ABTB2: variants seen among roughly 807,000 people sequenced by gnomAD.
ABTB2 encodes the protein ankyrin repeat and BTB domain containing 2, also known as ankyrin repeat and BTB/POZ domain-containing protein 2.
ABTB2 carries 56 observed loss-of-function variants against 104.1 expected under a neutral mutation model. The ratio of observed to expected loss-of-function variants is 0.54; its 90% CI spans 0.43 to 0.67. The LOEUF is 0.67. Ranked by LOEUF, ABTB2 falls within the 30% of genes least tolerant of loss-of-function variation. The pLI is 0.00. For synonymous variants in ABTB2, 606 were observed against 608.2 expected (o/e 1.00, Z 0.05); for missense variants, 1,279 against 1,407.7 (o/e 0.91, Z 1.46).
intron 1 of ABTB2, chr11:34,335,486 T>G (rs1855183126): frequency 1.2e-6 from 1 of 858,396 alleles, no homozygotes; most frequent in Admixed American, 1.9e-5. Flanking sequence ...TCAGAATGAT[T>G]AATTTGCTAT....
At chr11:34,152,699 C>T in intron 16 of ABTB2, 115 bp from the exon 17 acceptor site, 1 of 1,041,008 alleles carries the variant, frequency 9.6e-7, no homozygotes, top group Non-Finnish European at 1.4e-6. Context: ...CCACTCTGGC[C>T]AGGGTAGGCG....
chr11:34,284,900 C>T (rs985120292), intron 1 of ABTB2, among the ~76,000 whole-genome samples: 2 of 152,176 alleles, frequency 1.3e-5, no homozygotes, highest in African/African-American at 4.8e-5. Flanking sequence ...AGGCAGACCC[C>T]ATTTTTCATC....
intron 1 of ABTB2, among the ~76,000 whole-genome samples, chr11:34,229,185 C>T (rs1028354190): frequency 1.3e-5 from 2 of 148,568 alleles, no homozygotes; most frequent in Non-Finnish European, 3.0e-5. Context: ...GATTCTTTAA[C>T]AGAATTATTT....
At chr11:34,162,922 G>A (rs1399686988) in intron 9 of ABTB2, 117 bp from the exon 10 acceptor site, 18 of 946,400 alleles carry the variant, frequency 1.9e-5, no homozygotes, top group Middle Eastern at 3.1e-4. Context: ...CCGAGGGCTC[G>A]GAGTTTCATG....
rs1554923796 is a variant in ABTB2, at chr11:34,297,796, G to GAAAAAAAAAAAAAAAAAACAAAT, written c.883+58904_883+58905insATTTGTTTTTTTTTTTTTTTTTT. Among the ~76,000 whole-genome samples the GAAAAAAAAAAAAAAAAAACAAAT allele has an allele frequency of 1.2e-4, 15 of 123,072 alleles. 1 individual carries two copies. Among genetic ancestry groups the GAAAAAAAAAAAAAAAAAACAAAT allele is most frequent in the African/African-American group, 3.5e-4 (11 of 31,140 alleles). The allele number at this position is 123,072 out of a possible 152,430, so 80.7% of individuals were successfully genotyped here. A position where few individuals can be genotyped will look rare whatever the true frequency, so the allele number is the denominator to read the frequency against. ...AAAAAAAAAAAAAATAAAAATAAAG[G>GAAAAAAAAAAAAAAAAAACAAAT]AAAGAAAAAGAAAAAAACAAAATTC... On this transcript the variant is annotated intron_variant, in intron 1 of 16. Coordinates refer to ENST00000435224, the MANE Select transcript of ABTB2 (RefSeq NM_145804.3).
rs1002810181 is a variant in ABTB2, at chr11:34,335,728, C to T, written c.883+20973G>A. The stretch of plus-strand genomic sequence containing the variant: ...ATCAGGCAAAGTTTTATAAAGCAGG[C>T]TTTTCTTCTGTGAAGCAGTCCCATT... On this transcript the variant is annotated intron_variant, in intron 1 of 16. Transcript: ENST00000435224. 17 of 1,399,904 alleles carry T rather than the reference C, an allele frequency of 1.2e-5. No individual in the cohort carries two copies. The African/African-American group carries it at 2.3e-4, about 19-fold the overall frequency. 86.7% of individuals were successfully genotyped at this position (1,399,904 alleles called of 1,614,324 possible). A position where few individuals can be genotyped will look rare whatever the true frequency, so the allele number is the denominator to read the frequency against.
chr11:34,192,573 C>A (rs1883961), intron 3 of ABTB2, among the ~76,000 whole-genome samples: 39,475 of 152,140 alleles, frequency 0.26, 5,921 homozygotes, highest in East Asian at 0.47. Flanking sequence ...AGGCTCCAAG[C>A]CTTCTGAGTG....
chr11:34,251,172 A>G (rs936355019), intron 1 of ABTB2, among the ~76,000 whole-genome samples: 5 of 152,210 alleles, frequency 3.3e-5, no homozygotes, highest in African/African-American at 1.2e-4. Context: ...GGCAAGGAGA[A>G]TGGCTCCTCC....
At chr11:34,286,015 C>T (rs566989368) in intron 1 of ABTB2, among the ~76,000 whole-genome samples, 1 of 151,998 alleles carries the variant, frequency 6.6e-6, no homozygotes, top group African/African-American at 2.4e-5. Flanking sequence ...AAGAGATTTA[C>T]ATTGCACATT....
intron 1 of ABTB2, among the ~76,000 whole-genome samples, chr11:34,257,838 A>G (rs1010374440): frequency 6.6e-6 from 1 of 152,046 alleles, no homozygotes; most frequent in African/African-American, 2.4e-5. Flanking sequence ...GGCTCAAGCA[A>G]TCCACCTACC....
chr11:34,275,716 C>T (rs549449348), intron 1 of ABTB2, among the ~76,000 whole-genome samples: 1 of 152,262 alleles, frequency 6.6e-6, no homozygotes, highest in African/African-American at 2.4e-5. Flanking sequence ...CCTGGGCTAC[C>T]AGGTCTAGTT....
intron 1 of ABTB2, among the ~76,000 whole-genome samples, chr11:34,299,182 G>C (rs188720909): frequency 3.4e-4 from 52 of 152,302 alleles, no homozygotes; most frequent in African/African-American, 1.3e-3. Flanking sequence ...CAAAGTCAAA[G>C]TAGGTAAAAA....
intron 7 of ABTB2, 105 bp from the exon 8 acceptor site, chr11:34,165,461 G>A: frequency 1.1e-6 from 1 of 886,264 alleles, no homozygotes; most frequent in Non-Finnish European, 1.7e-6. Context: ...CTCCAGGCAT[G>A]TGACCAAGAC....
intron 1 of ABTB2, among the ~76,000 whole-genome samples, chr11:34,205,904 C>T (rs944588068): frequency 6.6e-6 from 1 of 152,144 alleles, no homozygotes; most frequent in Non-Finnish European, 1.5e-5. Flanking sequence ...ACTAGAGTAC[C>T]TAGCTCACAG....
rs189317345 is a variant in ABTB2, at chr11:34,227,255, C to T, written c.884-22565G>A. 4.0e-3 allele frequency among the ~76,000 whole-genome samples: 528 copies of T among 132,264 alleles called. 3 individuals are homozygous for T. Among genetic ancestry groups the T allele is most frequent in the South Asian group, 8.1e-3 (34 of 4,188 alleles). 86.8% of individuals were successfully genotyped at this position (132,264 alleles called of 152,430 possible). A position where few individuals can be genotyped will look rare whatever the true frequency, so the allele number is the denominator to read the frequency against. On this transcript the variant is annotated intron_variant, in intron 1 of 16. Coordinates refer to ENST00000435224, the MANE Select transcript of ABTB2 (RefSeq NM_145804.3). ...CACCACTGCACTCCAGTGTGGGTGA[C>T]AGAGTGAGACTCCATCTCAAAAAAA...
chr11:34,260,761 T>C (rs1394147233), intron 1 of ABTB2, among the ~76,000 whole-genome samples: 2 of 152,160 alleles, frequency 1.3e-5, no homozygotes, highest in East Asian at 3.9e-4. Context: ...CCCAGGGTCA[T>C]GCAAAAGGTG....
chr11:34,160,334 T>C lies in ABTB2; in HGVS notation c.2417A>G (p.Gln806Arg), dbSNP rs1366489830. ...KTSKNDSVIQ[Q>R]LATIFTHCYG... ...GCAGTGGGTGAAGATGGTAGCCAGT[T>C]GCTGGATGACGGAGTCGTTCTGTGG... The change falls in exon 12 of 17, where the codon CAA (glutamine) becomes CGA (arginine). Residue 806 changes from glutamine to arginine, a missense_variant. By Grantham distance (43) the Gln-to-Arg change is conservative (BLOSUM62 1). Coordinates refer to ENST00000435224, the MANE Select transcript of ABTB2 (RefSeq NM_145804.3). 1 of 1,614,046 alleles carries C rather than the reference T, an allele frequency of 6.2e-7. No individual in the cohort carries two copies. The highest frequency in any genetic ancestry group is 1.7e-5 in the Admixed American group (1 of 60,022).
chr11:34,236,082 A>T (rs895316082), intron 1 of ABTB2, among the ~76,000 whole-genome samples: 3 of 152,188 alleles, frequency 2.0e-5, no homozygotes, highest in Non-Finnish European at 4.4e-5. Flanking sequence ...CACCCCTGCA[A>T]GGAAGAGAAG....
At chr11:34,339,627 C>A (rs1855238521) in intron 1 of ABTB2, among the ~76,000 whole-genome samples, 1 of 151,992 alleles carries the variant, frequency 6.6e-6, no homozygotes, top group South Asian at 2.1e-4. Context: ...GAGATTGGTG[C>A]TTCCCTGAGT....
Sources: allele counts gnomAD v4.1 joint callset (sites outside exome capture counted in the v4.1 genomes callset), GRCh38; gene constraint gnomAD v4.1.1; transcripts MANE v1.5; gene names NCBI Gene and HGNC (gene_info 2026-07-23, HGNC 2026-07-21).